The following SPTLC2 variants were observed in gnomAD, a reference collection of about 807,000 sequenced individuals.
SPTLC2 encodes the protein serine palmitoyltransferase long chain base subunit 2.
In SPTLC2, 21 loss-of-function variants were observed where a neutral mutation model predicts 62.0. The observed-to-expected ratio is 0.34, with a 90% confidence interval of 0.24 to 0.49. The LOEUF (loss-of-function observed/expected upper bound fraction) is 0.49, where lower values mean the gene tolerates loss of function less well. SPTLC2 is among the 20% of genes least tolerant of loss of function. SPTLC2 has a pLI of 0.99. For synonymous variants in SPTLC2, 261 were observed against 261.8 expected (o/e 1.00, Z 0.03); for missense variants, 511 against 713.0 (o/e 0.72, Z 3.23).
At chr14:77,568,147 TA>T (rs1392461139) in intron 5 of SPTLC2, among the ~76,000 whole-genome samples, 2 of 152,204 alleles carry the variant, frequency 1.3e-5, no homozygotes, top group Non-Finnish European at 2.9e-5. Context: ...CAACAAACTA[TA>T]ATAGGTTACA....
At chr14:77,570,934 A>T (rs2079678618) in intron 4 of SPTLC2, among the ~76,000 whole-genome samples, 1 of 152,124 alleles carries the variant, frequency 6.6e-6, no homozygotes. Flanking sequence ...GAGACTATGG[A>T]AGGAGGAGAG....
chr14:77,544,682 G>C (rs900506294), intron 9 of SPTLC2, among the ~76,000 whole-genome samples: 3 of 152,194 alleles, frequency 2.0e-5, no homozygotes, highest in Non-Finnish European at 2.9e-5. Context: ...ACCTGACAAA[G>C]ACTCTCTCCT....
intron 1 of SPTLC2, among the ~76,000 whole-genome samples, chr14:77,616,005 G>A (rs1462750964): frequency 6.6e-6 from 1 of 152,166 alleles, no homozygotes; most frequent in Admixed American, 6.5e-5. Flanking sequence ...AATTTTCTTT[G>A]CTTCTTAAGG....
At position 77,521,570 on chromosome 14, in the gene SPTLC2, C is replaced by T; in HGVS notation, c.1315G>A (p.Val439Ile). Residue 439 changes from valine (V) to isoleucine (I), a missense_variant, in exon 10 of 12, where the codon GTA (valine) becomes ATA (isoleucine). Val to Ile is a conservative substitution (Grantham distance 29, BLOSUM62 3). Transcript: ENST00000216484. ...QDGTSLGKEC[V>I]QQLAENTRYF... ...CTGGTGTTTTCAGCTAACTGTTGTACACACTCTTTACCTGGAAAGTCACGG... is the reference window on the plus strand; with the variant it reads ...CTGGTGTTTTCAGCTAACTGTTGTATACACTCTTTACCTGGAAAGTCACGG... 2 of 1,613,972 alleles carry T rather than the reference C, an allele frequency of 1.2e-6. No individual in the cohort carries two copies. The highest frequency in any genetic ancestry group is 1.7e-6 in the Non-Finnish European group (2 of 1,179,916).
chr14:77,591,398 TA>T (rs1436077945), intron 2 of SPTLC2, among the ~76,000 whole-genome samples: 1 of 152,134 alleles, frequency 6.6e-6, no homozygotes, highest in Non-Finnish European at 1.5e-5. Flanking sequence ...ATTACAAAAT[TA>T]AATTGTGGTG....
rs558417193 is a variant in SPTLC2, at chr14:77,575,697, A to G, written c.631+1070T>C. On this transcript the variant is annotated intron_variant, in intron 4 of 11. Transcript: ENST00000216484. ...CAAGCATGCGCCACCACGTTCGGCTACTTTATCTTTATTTTTTTAGAGAAC... is the reference window on the plus strand; with the variant it reads ...CAAGCATGCGCCACCACGTTCGGCTGCTTTATCTTTATTTTTTTAGAGAAC... 1.3e-3 allele frequency among the ~76,000 whole-genome samples: 201 copies of G among 152,268 alleles called. 1 individual carries two copies. The highest frequency in any genetic ancestry group is 4.6e-3 in the African/African-American group (193 of 41,546).
chr14:77,590,183 C>A (rs958205570), intron 2 of SPTLC2, among the ~76,000 whole-genome samples: 1 of 152,076 alleles, frequency 6.6e-6, no homozygotes, highest in Non-Finnish European at 1.5e-5. Flanking sequence ...TGTTACATTG[C>A]TCAGGTTGGT....
At chr14:77,573,706 C>A (rs181786348) in intron 4 of SPTLC2, among the ~76,000 whole-genome samples, 37 of 152,136 alleles carry the variant, frequency 2.4e-4, no homozygotes, top group African/African-American at 8.9e-4. Context: ...CGGCTCACTG[C>A]AACTTCTGCC....
At chr14:77,573,546 T>C (rs1566784496) in intron 4 of SPTLC2, among the ~76,000 whole-genome samples, 1 of 152,016 alleles carries the variant, frequency 6.6e-6, no homozygotes, top group East Asian at 1.9e-4. Context: ...ATGAGGCCAT[T>C]AGGGGGATGC....
intron 9 of SPTLC2, among the ~76,000 whole-genome samples, chr14:77,540,309 C>A (rs1203680157): frequency 2.0e-5 from 3 of 149,584 alleles, no homozygotes; most frequent in Non-Finnish European, 4.5e-5. Context: ...CTGAAACATA[C>A]AAAAAAAATG....
intron 1 of SPTLC2, among the ~76,000 whole-genome samples, chr14:77,615,040 C>G (rs985959064): frequency 6.6e-6 from 1 of 151,962 alleles, no homozygotes; most frequent in Admixed American, 6.6e-5. Flanking sequence ...AATGTATTTT[C>G]TAACTCCTAC....
chr14:77,573,434 A>G (rs2079695110), intron 4 of SPTLC2, among the ~76,000 whole-genome samples: 1 of 152,134 alleles, frequency 6.6e-6, no homozygotes, highest in Admixed American at 6.6e-5. Flanking sequence ...GTAACAACAC[A>G]TCACATGTAC....
chr14:77,561,027 G>GA (rs35922322), intron 6 of SPTLC2, among the ~76,000 whole-genome samples: 83,450 of 149,336 alleles, frequency 0.56, 24,747 homozygotes, highest in East Asian at 0.87. Flanking sequence ...AAATAAAAGT[G>GA]AAAAAAAAAA....
chr14:77,603,819 C>T (rs563830668), intron 1 of SPTLC2, among the ~76,000 whole-genome samples: 2 of 152,316 alleles, frequency 1.3e-5, no homozygotes, highest in South Asian at 4.1e-4. Context: ...CAGGAGTTAT[C>T]ACACTGGCCA....
chr14:77,584,796 GAC>G (rs149917156), intron 2 of SPTLC2, among the ~76,000 whole-genome samples: 2 of 151,640 alleles, frequency 1.3e-5, no homozygotes, highest in Non-Finnish European at 2.9e-5. Context: ...AAGACACACA[GAC>G]ACACACACAC....
chr14:77,553,684 T>C (rs974923257), intron 8 of SPTLC2, among the ~76,000 whole-genome samples: 1 of 141,462 alleles, frequency 7.1e-6, no homozygotes, highest in African/African-American at 2.6e-5. Flanking sequence ...TGAGCCAAGA[T>C]TGTGCCACTG....
intron 2 of SPTLC2, among the ~76,000 whole-genome samples, chr14:77,588,741 C>T (rs779026593): frequency 4.1e-4 from 62 of 150,914 alleles, no homozygotes; most frequent in Non-Finnish European, 8.2e-4. Flanking sequence ...TGGCTCATGC[C>T]TATAATCCCA....
At chr14:77,565,865 C>G (rs2079642157) in intron 5 of SPTLC2, among the ~76,000 whole-genome samples, 1 of 152,170 alleles carries the variant, frequency 6.6e-6, no homozygotes, top group African/African-American at 2.4e-5. Context: ...TAAAGGGAAG[C>G]TGAATGAATG....
chr14:77,552,923 G>A (rs1470173892), intron 8 of SPTLC2, among the ~76,000 whole-genome samples: 1 of 151,958 alleles, frequency 6.6e-6, no homozygotes, highest in African/African-American at 2.4e-5. Flanking sequence ...AATGTCATCT[G>A]CAGCTCTGTG....
Sources: allele counts gnomAD v4.1 joint callset (sites outside exome capture counted in the v4.1 genomes callset), GRCh38; gene constraint gnomAD v4.1.1; transcripts MANE v1.5; gene names NCBI Gene and HGNC (gene_info 2026-07-23, HGNC 2026-07-21).